The following CLXN variants were observed in gnomAD, a reference collection of about 807,000 sequenced individuals.
CLXN encodes EF-hand calcium binding domain 1.
At chr8:48,724,915 C>T in the CLXN span, 4 of 733,778 alleles carry the variant, frequency 5.5e-6, no homozygotes, top group South Asian at 2.1e-5. Flanking sequence ...TAGTGGGCAT[C>T]GAGAACTTCT....
the CLXN span, among the ~76,000 whole-genome samples, chr8:48,732,264 T>C: frequency 6.6e-6 from 1 of 152,152 alleles, no homozygotes; most frequent in African/African-American, 2.4e-5. Flanking sequence ...AAAGCTCAAA[T>C]ACCAAGTATG....
chr8:48,716,579 C>T, the CLXN span: 20 of 152,244 alleles, frequency 1.3e-4, no homozygotes, highest in East Asian at 3.9e-4. Context: ...GAAAACAACA[C>T]GTGAACAAAA....
chr8:48,732,822 A>G, the CLXN span, among the ~76,000 whole-genome samples: 2 of 152,328 alleles, frequency 1.3e-5, no homozygotes, highest in South Asian at 4.1e-4. Context: ...ACATTTATGG[A>G]TATTGCACTT....
At chr8:48,725,286 G>C in the CLXN span, among the ~76,000 whole-genome samples, 1 of 152,184 alleles carries the variant, frequency 6.6e-6, no homozygotes, top group Non-Finnish European at 1.5e-5. Context: ...AGGTGGGAGG[G>C]TGACCTTGCA....
the CLXN span, chr8:48,715,178 T>A: frequency 6.6e-6 from 1 of 152,240 alleles, no homozygotes; most frequent in Non-Finnish European, 1.5e-5. Flanking sequence ...CATCTTATTT[T>A]AAAATTTCCT....
chr8:48,735,205 C>T, the CLXN span: 2 of 1,604,336 alleles, frequency 1.2e-6, no homozygotes, highest in Admixed American at 1.7e-5. Flanking sequence ...GCGCGGCTAC[C>T]GAGACCCTCG....
the CLXN span, chr8:48,729,946 G>T: frequency 7.0e-7 from 1 of 1,424,508 alleles, no homozygotes; most frequent in Non-Finnish European, 9.5e-7. Flanking sequence ...ACTTTTCAGG[G>T]CCAAGTTCTA....
At chr8:48,731,766 C>T in the CLXN span, among the ~76,000 whole-genome samples, 2 of 152,040 alleles carry the variant, frequency 1.3e-5, no homozygotes, top group African/African-American at 2.4e-5. Context: ...ATGGTGGTGT[C>T]GGATTCTAAA....
chr8:48,732,763 G>A, the CLXN span, among the ~76,000 whole-genome samples: 2 of 152,142 alleles, frequency 1.3e-5, no homozygotes, highest in Admixed American at 6.5e-5. Context: ...TTCATACAAT[G>A]AAATATCATT....
chr8:48,716,754 C>T, the CLXN span, among the ~76,000 whole-genome samples: 3 of 150,844 alleles, frequency 2.0e-5, no homozygotes, highest in Non-Finnish European at 2.9e-5. Context: ...TGAGATTATC[C>T]AGTTGGGGAG....
At chr8:48,735,168 A>T in the CLXN span, 1 of 1,613,678 alleles carries the variant, frequency 6.2e-7, no homozygotes, top group Non-Finnish European at 8.5e-7. Flanking sequence ...CGCTCAGAGA[A>T]TCGGGCCGCG....
the CLXN span, among the ~76,000 whole-genome samples, chr8:48,717,908 A>G: frequency 6.6e-6 from 1 of 152,210 alleles, no homozygotes; most frequent in Non-Finnish European, 1.5e-5. Context: ...AATCATTACA[A>G]AACATCATCA....
the CLXN span, chr8:48,729,589 T>G: frequency 2.5e-4 from 221 of 877,016 alleles, 3 homozygotes; most frequent in South Asian, 4.0e-3. Flanking sequence ...TATTAATATG[T>G]TGAGGAGCAT....
the CLXN span, among the ~76,000 whole-genome samples, chr8:48,726,465 A>G: frequency 2.2e-5 from 3 of 136,508 alleles, no homozygotes; most frequent in African/African-American, 8.7e-5. Context: ...TCACCCATCA[A>G]TCCATCTCAT....
At chr8:48,722,114 C>G in the CLXN span, among the ~76,000 whole-genome samples, 1 of 152,006 alleles carries the variant, frequency 6.6e-6, no homozygotes, top group Non-Finnish European at 1.5e-5. Context: ...ACATAAAACC[C>G]CCCAAAACCT....
the CLXN span, chr8:48,734,809 T>C: frequency 8.7e-5 from 36 of 412,374 alleles, no homozygotes; most frequent in Admixed American, 1.1e-3. Context: ...ACATCACATG[T>C]TTCTATCAGG....
At chr8:48,729,122 A>T in the CLXN span, 1 of 1,613,400 alleles carries the variant, frequency 6.2e-7, no homozygotes, top group Admixed American at 1.7e-5. Context: ...TCTGCAAAAG[A>T]CAGCTTCCCA....
At chr8:48,713,227 C>A in the CLXN span, among the ~76,000 whole-genome samples, 11 of 152,138 alleles carry the variant, frequency 7.2e-5, no homozygotes, top group African/African-American at 2.4e-4. Flanking sequence ...GGAAATATTA[C>A]CAAACCATCC....
the CLXN span, among the ~76,000 whole-genome samples, chr8:48,720,493 C>T: frequency 1.3e-5 from 2 of 152,132 alleles, no homozygotes; most frequent in Admixed American, 1.3e-4. Flanking sequence ...TCCTGCAGTA[C>T]TCCTCAGGCT....
Sources: gnomAD v4.1 joint callset for allele counts (sites outside exome capture counted in the v4.1 genomes callset) on GRCh38, gnomAD v4.1.1 for gene constraint, MANE v1.5 for transcripts, NCBI Gene and HGNC (gene_info 2026-07-23, HGNC 2026-07-21) for gene names.